The following UROC1 variants were observed in gnomAD, a reference collection of about 807,000 sequenced individuals.
UROC1 encodes the protein urocanate hydratase 1.
UROC1 carries 79 observed loss-of-function variants against 89.5 expected under a neutral mutation model. The ratio of observed to expected loss-of-function variants is 0.88; its 90% confidence interval spans 0.74 to 1.06. The LOEUF (loss-of-function observed/expected upper bound fraction) is 1.06, where lower values mean the gene tolerates loss of function less well. Ranked by LOEUF, UROC1 falls within the 50% of genes least tolerant of loss-of-function variation. The probability of loss-of-function intolerance (pLI) is 0.00; values close to 1 mark genes in which losing one functional copy is unlikely to be tolerated. For synonymous variants in UROC1, 361 were observed against 354.8 expected, an observed-to-expected ratio of 1.02 and a Z score of -0.20; for missense variants, 885 against 907.8, an observed-to-expected ratio of 0.97 and a Z score of 0.32.
In UROC1 at chr3:126,482,440, T is replaced by C. The variant is rs1935409755; in HGVS notation, c.1936A>G (p.Ile646Val). ...WSGNQKAYEI[I>V]CQTMQENSTL... ...CTGTTCTCCTGCATGGTCTGGCAGA[T>C]GATCTCATAGGCCTTCTGGTTCCCT... Residue 646 changes from isoleucine to valine, a missense_variant, in exon 20 of 20, where the codon ATC becomes GTC. Physicochemically the swap from Ile to Val is conservative, Grantham distance 29 (BLOSUM62 3). Coordinates refer to ENST00000290868, the MANE Select transcript of UROC1 (RefSeq NM_144639.3). The C allele has an allele frequency of 5.6e-6, 9 of 1,614,016 alleles. No homozygotes were observed. The highest frequency in any genetic ancestry group is 1.3e-5 in the African/African-American group (1 of 75,030).
At chr3:126,486,298 T>A (rs1199735572) in intron 18 of UROC1, among the ~76,000 whole-genome samples, 1 of 152,242 alleles carries the variant, frequency 6.6e-6, no homozygotes, top group Non-Finnish European at 1.5e-5. Flanking sequence ...CTCACCCCTC[T>A]GACTGGGTCC....
At chr3:126,504,625 T>G (rs556732245) in intron 8 of UROC1, among the ~76,000 whole-genome samples, 2 of 152,224 alleles carry the variant, frequency 1.3e-5, no homozygotes, top group South Asian at 4.2e-4. Context: ...GTGAGAAAAA[T>G]AAAACCCTAT....
At chr3:126,486,740 G>A (rs1228300223) in intron 18 of UROC1, among the ~76,000 whole-genome samples, 1 of 152,238 alleles carries the variant, frequency 6.6e-6, no homozygotes, top group Non-Finnish European at 1.5e-5. Context: ...GTTGCGGGGG[G>A]TGGGGCGTCC....
At chr3:126,490,409 G>A (rs533424188) in intron 16 of UROC1, among the ~76,000 whole-genome samples, 6 of 152,290 alleles carry the variant, frequency 3.9e-5, no homozygotes, top group East Asian at 3.9e-4. Context: ...AGTCCTGGCC[G>A]GGCACAGTGG....
chr3:126,503,214 T>C (rs1357557701), intron 9 of UROC1, among the ~76,000 whole-genome samples: 1 of 152,210 alleles, frequency 6.6e-6, no homozygotes, highest in Non-Finnish European at 1.5e-5. Flanking sequence ...TATGTTAGAA[T>C]GATAGGTCAA....
At chr3:126,510,116 C>T (rs1351109541) in intron 2 of UROC1, among the ~76,000 whole-genome samples, 1 of 152,210 alleles carries the variant, frequency 6.6e-6, no homozygotes, top group Non-Finnish European at 1.5e-5. Context: ...TCAAGGCAAG[C>T]CTGGGCCGCT....
At position 126,507,756 on chromosome 3, in the gene UROC1, G is replaced by C; in HGVS notation, c.588C>G (p.Ala196=). The C allele has an allele frequency of 6.2e-7, 1 of 1,614,176 alleles. No individual in the cohort carries two copies. ...SSRTEYEKLF[A]LGVTMYGQMT... is the part of the protein sequence containing the mutation. ...TAGTGACTTACATTGTAACCCCCAA[G>C]GCAAAGAGCTTCTCATACTCCGTCC... The change falls in exon 6 of 20, where the codon GCC becomes GCG. Residue 196 remains alanine (A), a synonymous_variant. Transcript: ENST00000290868.
intron 3 of UROC1, among the ~76,000 whole-genome samples, chr3:126,509,202 C>T (rs911381637): frequency 2.0e-5 from 3 of 148,868 alleles, no homozygotes; most frequent in Non-Finnish European, 4.4e-5. Flanking sequence ...AGCCACTATA[C>T]TCCAGCCTGG....
chr3:126,502,761 GTGTT>G (rs1379878874), intron 9 of UROC1, among the ~76,000 whole-genome samples: 1 of 130,326 alleles, frequency 7.7e-6, no homozygotes, highest in South Asian at 2.6e-4. Flanking sequence ...TATGTTGTGT[GTGTT>G]TGTGTGTGCA....
At chr3:126,487,927 C>T (rs1157830390) in intron 18 of UROC1, among the ~76,000 whole-genome samples, 2 of 152,164 alleles carry the variant, frequency 1.3e-5, no homozygotes, top group Admixed American at 6.5e-5. Flanking sequence ...ATGAGGAAGG[C>T]GGCTGCCATT....
Position 126,517,762 on chromosome 3 carries a change from C to T in UROC1, c.-43G>A. On this transcript the variant is annotated 5_prime_UTR_variant, in exon 1 of 20. Coordinates refer to ENST00000290868, the MANE Select transcript of UROC1 (RefSeq NM_144639.3). The stretch of plus-strand genomic sequence containing the variant: ...GCAGAGGCCAGCACTGTGGGGAGGC[C>T]AGGAAGAGACTGGGCAGATAGGGCA... The T allele has an allele frequency of 6.4e-7, 1 of 1,551,072 alleles. No individual in the cohort carries two copies.
intron 15 of UROC1, among the ~76,000 whole-genome samples, chr3:126,495,523 C>CCATGAGGTTAA (rs1935756412): frequency 6.6e-6 from 1 of 152,196 alleles, no homozygotes; most frequent in African/African-American, 2.4e-5. Context: ...TCATGGTTAA[C>CCATGAGGTTAA]CCACACTTTG....
At chr3:126,508,562 TG>T (rs1344184470) in intron 3 of UROC1, 87 bp from the exon 4 acceptor site, 12 of 1,118,762 alleles carry the variant, frequency 1.1e-5, no homozygotes, top group Non-Finnish European at 1.6e-5. Flanking sequence ...CCCCATCCCC[TG>T]GGGGCCCAAT....
chr3:126,500,841 C>G lies in UROC1; in HGVS notation c.999G>C (p.Gly333=). The part of the protein sequence containing the change: ...ERLVHELDTT[G]ECLVDLGSDQ... ...CTGACCCCAGGTCCACCAAGCACTC[C>G]CCCGTCGTGTCCAATTCGTGGACCA... Residue 333 remains glycine (G), a synonymous_variant, in exon 11 of 20, where the codon GGG becomes GGC. Transcript: ENST00000290868. The G allele has an allele frequency of 6.2e-7, 1 of 1,613,898 alleles. No homozygotes were observed. The highest frequency in any genetic ancestry group is 1.1e-5 in the South Asian group (1 of 91,088).
chr3:126,507,855 C>T (rs1277478525), intron 5 of UROC1, 52 bp from the exon 6 acceptor site: 2 of 1,613,336 alleles, frequency 1.2e-6, no homozygotes, highest in Admixed American at 3.3e-5. Flanking sequence ...GGAGGGCGAG[C>T]ACAGAGCCCT....
intron 15 of UROC1, 108 bp downstream of exon 15, chr3:126,495,930 C>T (rs1935765055): frequency 2.7e-6 from 3 of 1,123,234 alleles, no homozygotes. Flanking sequence ...CAGGGCTTGG[C>T]AAGCTGGAGG....
intron 9 of UROC1, 37 bp from the exon 10 acceptor site, chr3:126,501,317 A>C: frequency 6.2e-7 from 1 of 1,613,152 alleles, no homozygotes; most frequent in South Asian, 1.1e-5. Flanking sequence ...TGCCCCCTGC[A>C]CCTGTGCATA....
intron 16 of UROC1, among the ~76,000 whole-genome samples, chr3:126,490,445 G>A (rs934228764): frequency 6.6e-6 from 1 of 152,132 alleles, no homozygotes; most frequent in Admixed American, 6.5e-5. Context: ...GTAACACTTC[G>A]GGAGGCCAAG....
chr3:126,509,767 A>C, intron 2 of UROC1, 89 bp from the exon 3 acceptor site: 1 of 1,258,566 alleles, frequency 7.9e-7, no homozygotes, highest in South Asian at 1.3e-5. Flanking sequence ...CCGCTCAGGC[A>C]AGGATAGCCG....
Sources: allele counts gnomAD v4.1 joint callset (sites outside exome capture counted in the v4.1 genomes callset), GRCh38; gene constraint gnomAD v4.1.1; transcripts MANE v1.5; gene names NCBI Gene and HGNC (gene_info 2026-07-23, HGNC 2026-07-21).